CIDEA: variants seen among roughly 807,000 people sequenced by gnomAD.
CIDEA encodes the protein cell death inducing DFFA like effector a.
Under a neutral mutation model 18.2 loss-of-function variants are expected in CIDEA, and 10 were observed. The observed-to-expected ratio is 0.55, with a 90% CI of 0.34 to 0.93. CIDEA has a LOEUF of 0.93. Ranked by LOEUF, CIDEA falls within the 40% of genes least tolerant of loss-of-function variation. CIDEA has a pLI of 0.02. For synonymous variants in CIDEA, 128 were observed against 124.8 expected (o/e 1.03, Z -0.17); for missense variants, 309 against 293.1 (o/e 1.05, Z -0.40).
At chr18:12,271,422 G>A (rs1912526802) in intron 3 of CIDEA, among the ~76,000 whole-genome samples, 1 of 152,230 alleles carries the variant, frequency 6.6e-6, no homozygotes, top group African/African-American at 2.4e-5. Context: ...GGAAAAGCGA[G>A]GGGCCGGGCC....
At chr18:12,271,628 G>C (rs1912534084) in intron 3 of CIDEA, among the ~76,000 whole-genome samples, 1 of 152,210 alleles carries the variant, frequency 6.6e-6, no homozygotes, top group Non-Finnish European at 1.5e-5. Context: ...GTGGGCGCTG[G>C]GAACCTGGTT....
chr18:12,277,259 A>T lies in CIDEA; in HGVS notation c.649A>T (p.Thr217Ser). ...SLRSQAKGRF[T>S]CG ...CCGGTCACAAGCCAAGGGCAGGTTCACGTGTGGATAGGGATGCAGGCTGTC... is the reference window on the plus strand; with the variant it reads ...CCGGTCACAAGCCAAGGGCAGGTTCTCGTGTGGATAGGGATGCAGGCTGTC... Residue 217 changes from threonine (T) to serine (S), a missense_variant, in exon 5 of 5, where the codon ACG becomes TCG. Physicochemically the swap from Thr to Ser is moderately conservative, Grantham distance 58. Coordinates refer to ENST00000320477, the MANE Select transcript of CIDEA (RefSeq NM_001279.4). 6.2e-7 allele frequency: 1 copy of T among 1,614,018 alleles called. No individual in the cohort carries two copies. The highest frequency in any genetic ancestry group is 8.5e-7 in the Non-Finnish European group (1 of 1,179,984).
At chr18:12,254,582 G>GCGCACACACCCATCCA (rs2144051221) in intron 1 of CIDEA, 161 bp downstream of exon 1, 1 of 1,528,750 alleles carries the variant, frequency 6.5e-7, no homozygotes. Flanking sequence ...ACACCCATCC[G>GCGCACACACCCATCCA]CCCCACTGGT....
chr18:12,270,072 C>T (rs1912470092), intron 3 of CIDEA, among the ~76,000 whole-genome samples: 1 of 152,136 alleles, frequency 6.6e-6, no homozygotes, highest in Non-Finnish European at 1.5e-5. Context: ...TGATAAACTC[C>T]ACATCAAATC....
rs1269978688 is a variant in CIDEA at position 12,277,267 on chromosome 18, A to G, written c.657A>G (p.Gly219=). The stretch of plus-strand genomic sequence containing the variant: ...AAGCCAAGGGCAGGTTCACGTGTGG[A>G]TAGGGATGCAGGCTGTCGCCGGCTC... ...RSQAKGRFTC[G] The change falls in exon 5 of 5, where the codon GGA becomes GGG. Residue 219 remains glycine (G), a synonymous_variant. Coordinates refer to ENST00000320477, the MANE Select transcript of CIDEA (RefSeq NM_001279.4). 1 of 1,613,900 alleles carries G rather than the reference A, an allele frequency of 6.2e-7. No individual in the cohort carries two copies. The highest frequency in any genetic ancestry group is 1.3e-5 in the African/African-American group (1 of 74,942).
chr18:12,259,640 T>A (rs1330716737), intron 1 of CIDEA, among the ~76,000 whole-genome samples: 2 of 152,160 alleles, frequency 1.3e-5, no homozygotes, highest in Non-Finnish European at 2.9e-5. Context: ...GGTGGGCAGA[T>A]CACGAGGTCA....
chr18:12,274,221 G>T lies in CIDEA; in HGVS notation c.459G>T (p.Glu153Asp), dbSNP rs1173338618. 1 of 1,614,210 alleles carries T rather than the reference G, an allele frequency of 6.2e-7. No homozygotes were observed. The highest frequency in any genetic ancestry group is 1.3e-5 in the African/African-American group (1 of 75,050). Residue 153 changes from glutamate to aspartate, a missense_variant, in exon 4 of 5, where the codon GAG (glutamate) becomes GAT (aspartate). Glu to Asp is a conservative substitution (Grantham distance 45, BLOSUM62 2). Coordinates refer to ENST00000320477, the MANE Select transcript of CIDEA (RefSeq NM_001279.4). Reference protein sequence around the residue: ...GCLNVKATMYEMYSVSYDIRC... With the variant: ...GCLNVKATMYDMYSVSYDIRC... ...TTAACGTGAAGGCCACCATGTATGAGATGTACTCCGTGTCCTACGACATCC... is the reference window on the plus strand; with the variant it reads ...TTAACGTGAAGGCCACCATGTATGATATGTACTCCGTGTCCTACGACATCC...
chr18:12,274,088 C>A lies in CIDEA; in HGVS notation c.331-5C>A. 1 of 1,614,010 alleles carries A rather than the reference C, an allele frequency of 6.2e-7. No homozygotes were observed. The highest frequency in any genetic ancestry group is 1.1e-5 in the South Asian group (1 of 91,058). ...TGAAGCCTGCCCCTCCCCCCATTGT[C>A]ACAGGGCAGCCAGCACGTCCCCACT... On this transcript the variant is annotated splice_region_variant and splice_polypyrimidine_tract_variant and intron_variant, in intron 3 of 4. Coordinates refer to ENST00000320477, the MANE Select transcript of CIDEA (RefSeq NM_001279.4).
At chr18:12,254,785 C>T in intron 1 of CIDEA, 1 of 1,367,042 alleles carries the variant, frequency 7.3e-7, no homozygotes, top group Non-Finnish European at 9.7e-7. Flanking sequence ...GAAGAGGGTC[C>T]GGTCCCAGGA....
At chr18:12,268,857 G>A (rs957166276) in intron 3 of CIDEA, among the ~76,000 whole-genome samples, 34 of 148,610 alleles carry the variant, frequency 2.3e-4, no homozygotes, top group Non-Finnish European at 3.9e-4. Flanking sequence ...ATGGAGTCTC[G>A]CTCTGTCGCC....
rs1905374301 is a variant in CIDEA, at chr18:12,277,270, G to A, written c.660G>A (p.Ter220=). ...CCAAGGGCAGGTTCACGTGTGGATA[G>A]GGATGCAGGCTGTCGCCGGCTCTTG... ...SQAKGRFTCG[*] is the part of the protein sequence containing the mutation. The change falls in exon 5 of 5, where the codon TAG becomes TAA. Residue 220 remains the stop codon, a stop_retained_variant. Transcript: ENST00000320477. 1 of 1,614,152 alleles carries A rather than the reference G, an allele frequency of 6.2e-7. No individual in the cohort carries two copies. Among genetic ancestry groups the A allele is most frequent in the Non-Finnish European group, 8.5e-7 (1 of 1,180,026 alleles).
intron 3 of CIDEA, among the ~76,000 whole-genome samples, chr18:12,266,649 T>C (rs1912356395): frequency 6.6e-6 from 1 of 152,132 alleles, no homozygotes; most frequent in African/African-American, 2.4e-5. Flanking sequence ...CACAAAGCAG[T>C]AGAGGTGGGG....
chr18:12,259,544 G>T (rs1912131410), intron 1 of CIDEA, among the ~76,000 whole-genome samples: 1 of 152,208 alleles, frequency 6.6e-6, no homozygotes, highest in Admixed American at 6.5e-5. Context: ...TTGCAAGGTT[G>T]TGAGGATAAT....
intron 1 of CIDEA, among the ~76,000 whole-genome samples, chr18:12,259,591 G>A (rs1912132490): frequency 6.6e-6 from 1 of 152,224 alleles, no homozygotes; most frequent in Non-Finnish European, 1.5e-5. Flanking sequence ...AATGGGCATG[G>A]TGGTGCACAC....
At chr18:12,254,540 C>G (rs60132277) in intron 1 of CIDEA, 119 bp downstream of exon 1, 98,644 of 1,534,110 alleles carry the variant, frequency 0.064, 5,787 homozygotes, top group African/African-American at 0.29. Flanking sequence ...CCCTGCTCCC[C>G]GCATTCTCTT....
At chr18:12,274,043 G>A (rs1380710302) in intron 3 of CIDEA, 50 bp from the exon 4 acceptor site, 1 of 1,594,336 alleles carries the variant, frequency 6.3e-7, no homozygotes. Flanking sequence ...GTGATGACGT[G>A]GGAGGGTTAG....
At chr18:12,263,355 G>C (rs1912253035) in intron 2 of CIDEA, among the ~76,000 whole-genome samples, 1 of 152,032 alleles carries the variant, frequency 6.6e-6, no homozygotes, top group Admixed American at 6.6e-5. Flanking sequence ...TTAAATGAGT[G>C]GATCATATGA....
rs143590552 is a variant in CIDEA at position 12,256,929 on chromosome 18, G to A, written c.38+2508G>A. Among the ~76,000 whole-genome samples, 6 of 152,282 alleles carry A rather than the reference G, an allele frequency of 3.9e-5. No individual in the cohort carries two copies. In the East Asian group the frequency reaches 1.2e-3, roughly 29 times the overall value. On this transcript the variant is annotated intron_variant, in intron 1 of 4. Coordinates refer to ENST00000320477, the MANE Select transcript of CIDEA (RefSeq NM_001279.4). The stretch of plus-strand genomic sequence containing the variant: ...AGCCATGAACCAGGCAGTCCTTGTC[G>A]GGGCGAGTTTATCTGGGGGGTAGGT...
At chr18:12,264,584 C>G (rs938862292) in intron 3 of CIDEA, 131 bp downstream of exon 3, 12 of 696,868 alleles carry the variant, frequency 1.7e-5, no homozygotes, top group South Asian at 6.4e-5. Context: ...GACGGAGTCT[C>G]GCTCTGTCAC....
Sources: gnomAD v4.1 joint callset for allele counts (sites outside exome capture counted in the v4.1 genomes callset) on GRCh38, gnomAD v4.1.1 for gene constraint, MANE v1.5 for transcripts, NCBI Gene and HGNC (gene_info 2026-07-23, HGNC 2026-07-21) for gene names.